The following NXPE3 variants were observed in gnomAD, a reference collection of about 807,000 sequenced individuals.
NXPE3 encodes the protein NXPE family member 3.
Under a neutral mutation model 46.1 loss-of-function variants are expected in NXPE3, and 26 were observed. The ratio of observed to expected loss-of-function variants is 0.56; its 90% CI spans 0.41 to 0.78. The LOEUF is 0.78. Ranked by LOEUF, NXPE3 falls within the 30% of genes least tolerant of loss-of-function variation. The pLI is 0.00. For synonymous variants in NXPE3, 272 were observed against 257.9 expected (o/e 1.05, Z -0.52); for missense variants, 620 against 686.0 (o/e 0.90, Z 1.07).
At chr3:101,805,231 T>G (rs1416163263) in intron 5 of NXPE3, among the ~76,000 whole-genome samples, 1 of 152,178 alleles carries the variant, frequency 6.6e-6, no homozygotes, top group Non-Finnish European at 1.5e-5. Context: ...AGTACTGTTA[T>G]TTAATATGCA....
intron 4 of NXPE3, among the ~76,000 whole-genome samples, chr3:101,799,125 G>A (rs1369963374): frequency 1.3e-5 from 2 of 151,900 alleles, no homozygotes; most frequent in African/African-American, 2.4e-5. Context: ...TTCTTGTAGA[G>A]ATGGGGGTCT....
rs1942517821 is a variant in NXPE3, at chr3:101,827,044, T to A, written c.*5090T>A. The A allele has an allele frequency of 6.6e-6, 1 of 152,046 alleles. No homozygotes were observed. Among genetic ancestry groups the A allele is most frequent in the Non-Finnish European group, 1.5e-5 (1 of 68,002 alleles). The allele number at this position is 152,046 out of a possible 1,614,324, so 9.4% of individuals were successfully genotyped here. A position where few individuals can be genotyped will look rare whatever the true frequency, so the allele number is the denominator to read the frequency against. On this transcript the variant is annotated 3_prime_UTR_variant, in exon 8 of 8. Transcript: ENST00000273347. ...GTGAAACTCTGTCTCAATAAATAAA[T>A]AAATAAATAAAAAATAAAAAAGTGT...
At chr3:101,792,220 T>G (rs1485492648) in intron 4 of NXPE3, among the ~76,000 whole-genome samples, 1 of 152,206 alleles carries the variant, frequency 6.6e-6, no homozygotes, top group Non-Finnish European at 1.5e-5. Context: ...GTTGTCTGTT[T>G]ACTCTATTGA....
At chr3:101,798,833 C>T (rs1178001591) in intron 4 of NXPE3, among the ~76,000 whole-genome samples, 6 of 152,020 alleles carry the variant, frequency 3.9e-5, no homozygotes, top group African/African-American at 1.2e-4. Context: ...AGACTAGTCT[C>T]GAACTCTTGA....
At chr3:101,811,772 C>T (rs1039180115) in intron 6 of NXPE3, among the ~76,000 whole-genome samples, 1 of 129,030 alleles carries the variant, frequency 7.8e-6, no homozygotes, top group Admixed American at 9.4e-5. Flanking sequence ...CTCGCTCTGT[C>T]GCCCAGGCTG....
In NXPE3 at chr3:101,785,479, A is replaced by G. The variant is rs1026070037; in HGVS notation, c.-118A>G. 1 of 834,156 alleles carries G rather than the reference A, an allele frequency of 1.2e-6. No individual in the cohort carries two copies. Among genetic ancestry groups the G allele is most frequent in the Non-Finnish European group, 2.1e-6 (1 of 485,870 alleles). 51.7% of individuals were successfully genotyped at this position (834,156 alleles called of 1,614,324 possible). A position where few individuals can be genotyped will look rare whatever the true frequency, so the allele number is the denominator to read the frequency against. ...CATAAGAGCTCTTAAGGGTACTAGC[A>G]GGATAGAAGCAAATGAAACTGAAAG... is the stretch of plus-strand genomic sequence containing the variant. On this transcript the variant is annotated 5_prime_UTR_variant, in exon 4 of 8. Transcript: ENST00000273347.
chr3:101,816,741 C>A, intron 6 of NXPE3, 54 bp from the exon 7 acceptor site: 1 of 1,354,768 alleles, frequency 7.4e-7, no homozygotes, highest in Non-Finnish European at 1.0e-6. Flanking sequence ...GGACATTTTT[C>A]ATCTATTGTT....
At chr3:101,788,327 G>A (rs965285763) in intron 4 of NXPE3, among the ~76,000 whole-genome samples, 1 of 151,962 alleles carries the variant, frequency 6.6e-6, no homozygotes, top group Non-Finnish European at 1.5e-5. Flanking sequence ...CATTCCATAG[G>A]TTGCTTTTTC....
At chr3:101,780,742 G>A (rs1004604072) in intron 1 of NXPE3, among the ~76,000 whole-genome samples, 10 of 152,164 alleles carry the variant, frequency 6.6e-5, no homozygotes, top group Admixed American at 2.6e-4. Context: ...TTAGTACAGT[G>A]TGACTTATAT....
At chr3:101,812,508 TTCA>T (rs764156152) in intron 6 of NXPE3, among the ~76,000 whole-genome samples, 1 of 152,076 alleles carries the variant, frequency 6.6e-6, no homozygotes, top group Admixed American at 6.5e-5. Flanking sequence ...ACTTGCTTTC[TTCA>T]TCTTTAAAAG....
In NXPE3 at chr3:101,823,340, A is replaced by C. The variant is rs1041697426; in HGVS notation, c.*1386A>C. Reference sequence around the variant, plus strand: ...TTGAGGAACACCTTCAAGTTTTTAAAGTATTTTAGGGGGAAAGAAGATTTT... The same window carrying C: ...TTGAGGAACACCTTCAAGTTTTTAACGTATTTTAGGGGGAAAGAAGATTTT... On this transcript the variant is annotated 3_prime_UTR_variant, in exon 8 of 8. Transcript: ENST00000273347. 2 of 152,156 alleles carry C rather than the reference A, an allele frequency of 1.3e-5. No individual in the cohort carries two copies. Among genetic ancestry groups the C allele is most frequent in the African/African-American group, 4.8e-5 (2 of 41,420 alleles). The allele number at this position is 152,156 out of a possible 1,614,324, so 9.4% of individuals were successfully genotyped here.
chr3:101,813,344 G>A (rs1159784254), intron 6 of NXPE3, among the ~76,000 whole-genome samples: 4 of 151,916 alleles, frequency 2.6e-5, no homozygotes, highest in Non-Finnish European at 5.9e-5. Context: ...ATCTCACCCC[G>A]CAGCCCTCCC....
chr3:101,789,279 T>G (rs1940365730), intron 4 of NXPE3, among the ~76,000 whole-genome samples: 1 of 152,158 alleles, frequency 6.6e-6, no homozygotes, highest in South Asian at 2.1e-4. Context: ...TGTGGTGGCT[T>G]AGGCCTGTAA....
intron 7 of NXPE3, among the ~76,000 whole-genome samples, chr3:101,817,859 A>G (rs1168398277): frequency 6.6e-6 from 1 of 152,032 alleles, no homozygotes; most frequent in African/African-American, 2.4e-5. Flanking sequence ...GATTGTTTTT[A>G]TCAGCCTTTT....
In NXPE3 at chr3:101,821,549, G is replaced by C; in HGVS notation, c.1275G>C (p.Val425=). Residue 425 remains valine (V), a synonymous_variant, in exon 8 of 8, where the codon GTG becomes GTC. Coordinates refer to ENST00000273347, the MANE Select transcript of NXPE3 (RefSeq NM_145037.4). ...TCTTTAGCAATGAGCTCCATTATGT[G>C]GCGAATGAGCTGAATGGCATTGTGG... The part of the protein sequence containing the change: ...TTVFSNELHY[V]ANELNGIVGG... The C allele has an allele frequency of 2.5e-6, 4 of 1,614,170 alleles. No homozygotes were observed. The highest frequency in any genetic ancestry group is 3.4e-6 in the Non-Finnish European group (4 of 1,180,030).
rs1259246498 is a variant in NXPE3, at chr3:101,821,943, T to C, written c.1669T>C (p.Leu557=). The change falls in exon 8 of 8, where the codon TTG becomes CTG. Residue 557 remains leucine, a synonymous_variant. Transcript: ENST00000273347. ...CATGTTCTTGTCCTTTGTGTGCCCC[T>C]TGGAAACCTAGCCTGTCTTGGAAGG... ...LDMFLSFVCP[L]ET The C allele has an allele frequency of 6.2e-7, 1 of 1,612,808 alleles. No homozygotes were observed. Among genetic ancestry groups the C allele is most frequent in the South Asian group, 1.1e-5 (1 of 91,038 alleles).
intron 7 of NXPE3, among the ~76,000 whole-genome samples, chr3:101,817,441 C>A (rs1184410663): frequency 6.6e-6 from 1 of 152,186 alleles, no homozygotes; most frequent in African/African-American, 2.4e-5. Flanking sequence ...AGGAAGCAGC[C>A]AGACCTATGG....
chr3:101,786,828 T>C (rs1348180785), intron 4 of NXPE3, among the ~76,000 whole-genome samples: 1 of 152,204 alleles, frequency 6.6e-6, no homozygotes, highest in Non-Finnish European at 1.5e-5. Flanking sequence ...AGGTGTACAA[T>C]TGAGTAGCAT....
chr3:101,812,811 CAAAAAAAAAAAAAA>C (rs57029374), intron 6 of NXPE3, among the ~76,000 whole-genome samples: 7 of 58,706 alleles, frequency 1.2e-4, no homozygotes, highest in East Asian at 6.0e-4. Flanking sequence ...GACTCCGTCT[CAAAAAAAAAAAAAA>C]AAAAAAAAAA....
Sources: allele counts gnomAD v4.1 joint callset (sites outside exome capture counted in the v4.1 genomes callset), GRCh38; gene constraint gnomAD v4.1.1; transcripts MANE v1.5; gene names NCBI Gene and HGNC (gene_info 2026-07-23, HGNC 2026-07-21).